Variants in BRINP1 observed in about 807,000 individuals in gnomAD.
BRINP1 encodes the protein BMP/retinoic acid inducible neural specific 1.
A neutral mutation model predicts 72.9 loss-of-function variants in BRINP1; 17 were observed. That is an observed-to-expected ratio of 0.23 (90% CI 0.16 to 0.35). The LOEUF (loss-of-function observed/expected upper bound fraction) is 0.35, where lower values mean the gene tolerates loss of function less well. Ranked by LOEUF, BRINP1 falls within the 10% of genes least tolerant of loss-of-function variation. The probability of loss-of-function intolerance (pLI) is 1.00; values close to 1 mark genes in which losing one functional copy is unlikely to be tolerated. For missense variants in BRINP1, 850 were observed against 1,001.6 expected (o/e 0.85, Z 2.04); for synonymous variants, 418 against 378.5 (o/e 1.10, Z -1.21).
chr9:119,342,692 C>T (rs932653531), intron 1 of BRINP1, among the ~76,000 whole-genome samples: 3 of 152,136 alleles, frequency 2.0e-5, no homozygotes, highest in African/African-American at 4.8e-5. Context: ...GAATGAGAGG[C>T]GATTTGTGAG....
chr9:119,324,256 T>C (rs1831217213), intron 1 of BRINP1, among the ~76,000 whole-genome samples: 1 of 152,170 alleles, frequency 6.6e-6, no homozygotes, highest in Non-Finnish European at 1.5e-5. Flanking sequence ...GTTTACTACC[T>C]ATCTTCAAGA....
intron 2 of BRINP1, among the ~76,000 whole-genome samples, chr9:119,264,711 C>T (rs1478082470): frequency 6.6e-6 from 1 of 152,158 alleles, no homozygotes. Context: ...TCGCTCATCA[C>T]CCAGGCTGGA....
intron 2 of BRINP1, among the ~76,000 whole-genome samples, chr9:119,293,965 A>G (rs1830849002): frequency 6.6e-6 from 1 of 152,196 alleles, no homozygotes; most frequent in South Asian, 2.1e-4. Flanking sequence ...TAAAAAAAGA[A>G]GTAAAATTAT....
rs1830724605 is a variant in BRINP1, at chr9:119,282,618, C to T, written c.218+30520G>A. On this transcript the variant is annotated intron_variant, in intron 2 of 7. Transcript: ENST00000265922. ...GAAGAGTAGCAATGAAAAGTAAGCC[C>T]ATCTCCACTGTTATTGTTACAGAAA... Among the ~76,000 whole-genome samples the T allele has an allele frequency of 2.0e-5, 3 of 152,128 alleles. No homozygotes were observed. In the South Asian group the frequency reaches 6.2e-4, roughly 31 times the overall value.
chr9:119,251,673 TG>T (rs1381339853), intron 2 of BRINP1, among the ~76,000 whole-genome samples: 1 of 14,396 alleles, frequency 6.9e-5, no homozygotes, highest in Non-Finnish European at 3.0e-4. Context: ...CAGAAAACAT[TG>T]AGAAGGGCAG....
intron 1 of BRINP1, among the ~76,000 whole-genome samples, chr9:119,348,799 G>A (rs1000467706): frequency 2.6e-5 from 4 of 152,200 alleles, no homozygotes; most frequent in African/African-American, 7.2e-5. Flanking sequence ...TCGGTATCAC[G>A]CACAGTGAAG....
chr9:119,177,393 G>A (rs10984430), intron 7 of BRINP1, among the ~76,000 whole-genome samples: 13,273 of 152,166 alleles, frequency 0.087, 776 homozygotes, highest in Middle Eastern at 0.15. Context: ...TGAATATTGG[G>A]TATGAGTCAT....
chr9:119,179,280 G>A (rs1829525888), intron 7 of BRINP1, among the ~76,000 whole-genome samples: 1 of 152,204 alleles, frequency 6.6e-6, no homozygotes, highest in East Asian at 1.9e-4. Flanking sequence ...AAGCTGAGAT[G>A]CAATACATCC....
At chr9:119,221,742 C>T (rs1376268483) in intron 5 of BRINP1, among the ~76,000 whole-genome samples, 3 of 152,080 alleles carry the variant, frequency 2.0e-5, no homozygotes, top group African/African-American at 7.2e-5. Flanking sequence ...GATTTGGAAT[C>T]CTTAGGTGAA....
At chr9:119,358,704 A>T (rs1308947151) in intron 1 of BRINP1, among the ~76,000 whole-genome samples, 1 of 152,232 alleles carries the variant, frequency 6.6e-6, no homozygotes, top group African/African-American at 2.4e-5. Context: ...CAAGAAAAAA[A>T]AAGAGAGAGA....
chr9:119,256,554 T>C (rs1475910371), intron 2 of BRINP1, among the ~76,000 whole-genome samples: 2 of 152,228 alleles, frequency 1.3e-5, no homozygotes, highest in South Asian at 2.1e-4. Flanking sequence ...GATGAAATAA[T>C]AGTTAGACAA....
intron 5 of BRINP1, among the ~76,000 whole-genome samples, chr9:119,218,033 G>A (rs1829997532): frequency 6.6e-6 from 1 of 151,730 alleles, no homozygotes; most frequent in African/African-American, 2.4e-5. Flanking sequence ...TTAATTCCTG[G>A]CTGAAATTAT....
intron 5 of BRINP1, among the ~76,000 whole-genome samples, chr9:119,233,922 T>G (rs183845844): frequency 6.6e-6 from 1 of 152,240 alleles, no homozygotes. Flanking sequence ...CTAACTTGTT[T>G]CACTCAATGC....
At chr9:119,248,887 G>C in intron 3 of BRINP1, 73 bp downstream of exon 3, 1 of 1,331,890 alleles carries the variant, frequency 7.5e-7, no homozygotes, top group Non-Finnish European at 1.0e-6. Flanking sequence ...TTGCTGTTAA[G>C]ACATCCCACT....
At chr9:119,333,595 C>T (rs774210253) in intron 1 of BRINP1, among the ~76,000 whole-genome samples, 31 of 151,942 alleles carry the variant, frequency 2.0e-4, no homozygotes, top group Admixed American at 6.6e-4. Context: ...AAAACGCTCC[C>T]GTATTATTTT....
Position 119,366,051 on chromosome 9 carries a change from C to T in BRINP1, c.-51+3005G>A, listed in dbSNP as rs2119048062. On this transcript the variant is annotated intron_variant, in intron 1 of 7. Transcript: ENST00000265922. ...TCACAGGGCTTTACATTTCTCCTTC[C>T]CTGGAGTTTATGGGTCCTACTCTTC... Among the ~76,000 whole-genome samples, 5 of 152,140 alleles carry T rather than the reference C, an allele frequency of 3.3e-5. No individual in the cohort carries two copies. In the South Asian group the frequency reaches 1.0e-3, roughly 32 times the overall value.
At chr9:119,262,230 C>T (rs917910245) in intron 2 of BRINP1, among the ~76,000 whole-genome samples, 32 of 152,258 alleles carry the variant, frequency 2.1e-4, no homozygotes, top group South Asian at 4.2e-4. Context: ...AAGCTAATTG[C>T]CCATTATGAG....
At chr9:119,176,901 T>C (rs1829496227) in intron 7 of BRINP1, among the ~76,000 whole-genome samples, 1 of 152,124 alleles carries the variant, frequency 6.6e-6, no homozygotes, top group South Asian at 2.1e-4. Context: ...GAATAATTAG[T>C]GGGCTCCTTG....
At chr9:119,226,373 G>A (rs1830092535) in intron 5 of BRINP1, among the ~76,000 whole-genome samples, 2 of 151,948 alleles carry the variant, frequency 1.3e-5, no homozygotes, top group African/African-American at 4.8e-5. Flanking sequence ...AGACCAAATT[G>A]CCACATCAAC....
Sources: allele counts gnomAD v4.1 joint callset (sites outside exome capture counted in the v4.1 genomes callset), GRCh38; gene constraint gnomAD v4.1.1; transcripts MANE v1.5; gene names NCBI Gene and HGNC (gene_info 2026-07-23, HGNC 2026-07-21).